DPAGT1: variants seen among roughly 807,000 people sequenced by gnomAD.
DPAGT1 encodes the protein UDP-N-acetylglucosamine--dolichyl-phosphate N-acetylglucosaminephosphotransferase.
A neutral mutation model predicts 39.3 loss-of-function variants in DPAGT1; 25 were observed. The ratio of observed to expected loss-of-function variants is 0.64; its 90% CI spans 0.46 to 0.89. DPAGT1 has a LOEUF of 0.89. DPAGT1 is among the 40% of genes least tolerant of loss of function. DPAGT1 has a pLI of 0.00. For synonymous variants in DPAGT1, 193 were observed against 201.4 expected (o/e 0.96, Z 0.36); for missense variants, 381 against 500.6 (o/e 0.76, Z 2.28).
chr11:119,096,910 G>T lies in DPAGT1; in HGVS notation c.*88C>A. ...AGTATGAAGAGTGAGAGAGGCCTGG[G>T]CAAGGAGGCAGTCTGGGACCAGAGA... On this transcript the variant is annotated 3_prime_UTR_variant, in exon 9 of 9. Transcript: ENST00000354202. The T allele has an allele frequency of 6.8e-7, 1 of 1,466,676 alleles. No individual in the cohort carries two copies. Among genetic ancestry groups the T allele is most frequent in the Non-Finnish European group, 9.5e-7 (1 of 1,056,248 alleles). The allele number at this position is 1,466,676 out of a possible 1,614,324, so 90.9% of individuals were successfully genotyped here.
rs1046374 is a variant in DPAGT1 at position 119,101,672 on chromosome 11, C to G, written c.-17G>C. On this transcript the variant is annotated 5_prime_UTR_variant, in exon 1 of 9. Transcript: ENST00000354202. ...GGCCCACATGGTGACCGGTCAGGGG[C>G]CCGGCTCCGCCGCCTCTTCAGGTAA... 2 of 1,614,176 alleles carry G rather than the reference C, an allele frequency of 1.2e-6. No individual in the cohort carries two copies. Among genetic ancestry groups the G allele is most frequent in the South Asian group, 1.1e-5 (1 of 91,084 alleles).
chr11:119,101,227 C>T (rs1592229885), intron 1 of DPAGT1, 89 bp from the exon 2 acceptor site: 2 of 1,582,930 alleles, frequency 1.3e-6, no homozygotes, highest in African/African-American at 2.7e-5. Flanking sequence ...CCAAAGTGGT[C>T]TTCTCATTCC....
chr11:119,101,168 G>A, intron 1 of DPAGT1, 30 bp from the exon 2 acceptor site: 10 of 1,613,398 alleles, frequency 6.2e-6, no homozygotes, highest in Non-Finnish European at 8.5e-6. Flanking sequence ...GGGCGAGGGG[G>A]AAGAGGAAAG....
At chr11:119,100,486 G>C in intron 3 of DPAGT1, 78 bp from the exon 4 acceptor site, 2 of 1,608,112 alleles carry the variant, frequency 1.2e-6, no homozygotes, top group Non-Finnish European at 1.7e-6. Flanking sequence ...AAAGTGGTGA[G>C]GACGGACGAT....
chr11:119,099,974 G>A (rs1946468197), intron 4 of DPAGT1, among the ~76,000 whole-genome samples: 1 of 152,066 alleles, frequency 6.6e-6, no homozygotes, highest in Admixed American at 6.6e-5. Context: ...CTCCATCACG[G>A]TCACAGAATG....
downstream of DPAGT1, chr11:119,094,169 C>T (rs1490480944): frequency 6.5e-6 from 1 of 152,762 alleles, no homozygotes. Flanking sequence ...AACTGCAGGC[C>T]TCTGCCCTCC....
downstream of DPAGT1, chr11:119,094,730 G>T (rs1946361010): frequency 2.1e-6 from 1 of 480,402 alleles, no homozygotes. Flanking sequence ...ACGGCGGACA[G>T]GGCAGGGCCC....
Position 119,097,178 on chromosome 11 carries a change from A to C in DPAGT1, c.1125T>G (p.His375Gln). The change falls in exon 8 of 9, where the codon CAT becomes CAG. Residue 375 changes from histidine to glutamine, a missense_variant. His to Gln is a conservative substitution (Grantham distance 24). Coordinates refer to ENST00000354202, the MANE Select transcript of DPAGT1 (RefSeq NM_001382.4). This position sits in a 1 kb window ranked among gnomAD's most constrained non-coding sequence, Gnocchi z 4.6. ...GCAGGAGCAATGTGAGGTTTCTCTC[A>C]TGTATGGGCCCAAGGACTTTAAGTA... ...NLLLKVLGPI[H>Q]ERNLTLLLLL... 1 of 1,614,160 alleles carries C rather than the reference A, an allele frequency of 6.2e-7. No individual in the cohort carries two copies. The highest frequency in any genetic ancestry group is 8.5e-7 in the Non-Finnish European group (1 of 1,180,024).
At chr11:119,098,849 T>C (rs1422241740) in intron 4 of DPAGT1, among the ~76,000 whole-genome samples, 1 of 152,212 alleles carries the variant, frequency 6.6e-6, no homozygotes, top group African/African-American at 2.4e-5. Context: ...CATAAAACCA[T>C]TACAAGATTT....
chr11:119,101,463 C>T (rs1215888070), intron 1 of DPAGT1, 32 bp downstream of exon 1: 1 of 1,613,832 alleles, frequency 6.2e-7, no homozygotes, highest in South Asian at 1.1e-5. Context: ...TTAGCCCTTG[C>T]CCCCTGCCCG....
At chr11:119,094,828 G>A (rs1228200948), downstream of DPAGT1, 5 of 948,272 alleles carry the variant, frequency 5.3e-6, no homozygotes, top group East Asian at 8.4e-5. Context: ...GGGGAGGGGA[G>A]GGGAAGGGAG....
Position 119,100,757 on chromosome 11 carries a change from G to C in DPAGT1, c.369C>G (p.Arg123=), listed in dbSNP as rs1022174454. 3 of 1,614,194 alleles carry C rather than the reference G, an allele frequency of 1.9e-6. No homozygotes were observed. Among genetic ancestry groups the C allele is most frequent in the Non-Finnish European group, 2.5e-6 (3 of 1,180,050 alleles). The change falls in exon 3 of 9, where the codon CGC becomes CGG. Residue 123 remains arginine (R), a synonymous_variant. Coordinates refer to ENST00000354202, the MANE Select transcript of DPAGT1 (RefSeq NM_001382.4). The part of the protein sequence containing the change: ...FADDVLNLRW[R]HKLLLPTAAS... ...CAGCTGTAGGTAGCAGCAGCTTATGGCGCCAGCGCAGATTCAGTACATCAT... is the reference window on the plus strand; with the variant it reads ...CAGCTGTAGGTAGCAGCAGCTTATGCCGCCAGCGCAGATTCAGTACATCAT...
At chr11:119,095,001 C>A (rs1483026491), downstream of DPAGT1, 1 of 1,612,710 alleles carries the variant, frequency 6.2e-7, no homozygotes, top group Non-Finnish European at 8.5e-7. Flanking sequence ...TTCTTGCCGC[C>A]CGAGGGCGCC....
At position 119,101,148 on chromosome 11, in the gene DPAGT1, A is replaced by C; in HGVS notation, c.162-10T>G. On this transcript the variant is annotated splice_polypyrimidine_tract_variant and intron_variant, in intron 1 of 8. Coordinates refer to ENST00000354202, the MANE Select transcript of DPAGT1 (RefSeq NM_001382.4). ...TCCCTGGGATTCTGGGCTGTGGCCC[A>C]GCAGCAAGGGGGCGAGGGGGAAGAG... The C allele has an allele frequency of 6.2e-7, 1 of 1,613,966 alleles. No homozygotes were observed. The highest frequency in any genetic ancestry group is 1.3e-5 in the African/African-American group (1 of 75,036).
downstream of DPAGT1, among the ~76,000 whole-genome samples, chr11:119,096,222 A>G (rs1173098794): frequency 6.6e-6 from 1 of 152,170 alleles, no homozygotes; most frequent in Non-Finnish European, 1.5e-5. Flanking sequence ...TCAGCCTCCT[A>G]AAGTGCTGGG....
downstream of DPAGT1, chr11:119,095,230 C>T (rs775216238): frequency 6.2e-7 from 1 of 1,613,918 alleles, no homozygotes. Context: ...GGTACTCCAG[C>T]ACTGCCGCCA....
In DPAGT1 at chr11:119,101,742, G is replaced by C; in HGVS notation, c.-87C>G. On this transcript the variant is annotated 5_prime_UTR_variant, in exon 1 of 9. Coordinates refer to ENST00000354202, the MANE Select transcript of DPAGT1 (RefSeq NM_001382.4). ...TCCTGAGGCCTCAGCAGTATGGAGT[G>C]GCCGCTCCCCACAGGCAGGCTCTTC... The C allele has an allele frequency of 6.2e-7, 1 of 1,602,992 alleles. No homozygotes were observed. Among genetic ancestry groups the C allele is most frequent in the Non-Finnish European group, 8.5e-7 (1 of 1,175,350 alleles).
At chr11:119,101,317 T>C (rs777780966) in intron 1 of DPAGT1, 178 bp downstream of exon 1, 9 of 1,386,456 alleles carry the variant, frequency 6.5e-6, no homozygotes, top group Middle Eastern at 2.5e-4. Context: ...TACCCAAGGG[T>C]CCCTACCCAT....
chr11:119,096,197 G>C (rs999625568), downstream of DPAGT1, among the ~76,000 whole-genome samples: 1 of 152,124 alleles, frequency 6.6e-6, no homozygotes, highest in Non-Finnish European at 1.5e-5. Context: ...CCTGGGCTCA[G>C]GCAATCCTCC....
Sources: gnomAD v4.1 joint callset for allele counts (sites outside exome capture counted in the v4.1 genomes callset) on GRCh38, gnomAD v4.1.1 for gene constraint, Gnocchi (gnomAD v3.1) non-coding constraint, MANE v1.5 for transcripts, NCBI Gene and HGNC (gene_info 2026-07-23, HGNC 2026-07-21) for gene names.